Variants in ZNF589 observed in about 807,000 individuals in gnomAD.
ZNF589 encodes zinc finger protein 589.
A neutral mutation model predicts 13.6 loss-of-function variants in ZNF589; 17 were observed. The ratio of observed to expected loss-of-function variants is 1.25; its 90% CI spans 0.86 to 1.88. ZNF589 has a LOEUF of 1.88. ZNF589 is among the 40% of genes most tolerant of loss of function. The pLI is 0.00. For missense variants in ZNF589, 407 were observed against 434.0 expected (o/e 0.94, Z 0.55); for synonymous variants, 148 against 161.6 (o/e 0.92, Z 0.64).
In ZNF589 at chr3:48,269,428, A is replaced by G; in HGVS notation, c.*642A>G. On this transcript the variant is annotated 3_prime_UTR_variant, in exon 4 of 4. Transcript: ENST00000354698. Reference sequence around the variant, plus strand: ...TCCTCGCACACGAGCAGACACATTCAGGGGAGAAGCCTTATGTGTGTGGGG... The same window carrying G: ...TCCTCGCACACGAGCAGACACATTCGGGGGAGAAGCCTTATGTGTGTGGGG... 2.2e-6 allele frequency: 1 copy of G among 457,494 alleles called. No individual in the cohort carries two copies. Among genetic ancestry groups the G allele is most frequent in the South Asian group, 2.0e-5 (1 of 48,836 alleles). The allele number at this position is 457,494 out of a possible 1,614,324, so 28.3% of individuals were successfully genotyped here.
Position 48,269,400 on chromosome 3 carries a change from C to T in ZNF589, c.*614C>T. ...GGGCGAGGCTTTTGTGATAAATCAA[C>T]TCTCCTCGCACACGAGCAGACACAT... On this transcript the variant is annotated 3_prime_UTR_variant, in exon 4 of 4. Transcript: ENST00000354698. 1 of 550,120 alleles carries T rather than the reference C, an allele frequency of 1.8e-6. No homozygotes were observed. Among genetic ancestry groups the T allele is most frequent in the South Asian group, 1.9e-5 (1 of 51,550 alleles). 34.1% of individuals were successfully genotyped at this position (550,120 alleles called of 1,614,324 possible).
intron 2 of ZNF589, among the ~76,000 whole-genome samples, chr3:48,254,827 A>G (rs1046602468): frequency 2.0e-5 from 3 of 150,612 alleles, no homozygotes; most frequent in Non-Finnish European, 3.0e-5. Flanking sequence ...ATATCCTGCA[A>G]CCTTTCTATG....
intron 2 of ZNF589, among the ~76,000 whole-genome samples, chr3:48,248,981 A>G (rs1296025292): frequency 6.6e-6 from 1 of 152,218 alleles, no homozygotes; most frequent in Admixed American, 6.5e-5. Context: ...CTTCCAGGCC[A>G]TAGGGGCCAA....
At chr3:48,267,047 G>C (rs933875898) in intron 3 of ZNF589, among the ~76,000 whole-genome samples, 1 of 152,148 alleles carries the variant, frequency 6.6e-6, no homozygotes, top group African/African-American at 2.4e-5. Flanking sequence ...AATGTGCATA[G>C]GAAGCCTTCA....
intron 1 of ZNF589, among the ~76,000 whole-genome samples, chr3:48,246,691 C>T (rs1332590297): frequency 2.0e-5 from 3 of 151,838 alleles, no homozygotes; most frequent in Non-Finnish European, 4.4e-5. Flanking sequence ...TTTCTTGAGA[C>T]GGAGTCTCGC....
intron 2 of ZNF589, among the ~76,000 whole-genome samples, chr3:48,259,529 G>T (rs2033945408): frequency 6.6e-6 from 1 of 152,304 alleles, no homozygotes; most frequent in South Asian, 2.1e-4. Context: ...CCACTTGGAA[G>T]GTGGACAAGA....
chr3:48,253,072 T>TGTGA (rs2033857132), intron 2 of ZNF589, among the ~76,000 whole-genome samples: 1 of 150,600 alleles, frequency 6.6e-6, no homozygotes, highest in Non-Finnish European at 1.5e-5. Flanking sequence ...TCCCTCTGTT[T>TGTGA]CCCAGGCTGG....
chr3:48,252,564 G>C (rs916236038), intron 2 of ZNF589, among the ~76,000 whole-genome samples: 1 of 151,108 alleles, frequency 6.6e-6, no homozygotes, highest in Non-Finnish European at 1.5e-5. Context: ...TGTACAATGG[G>C]ATTTTGATTG....
chr3:48,247,597 T>A lies in ZNF589; in HGVS notation c.44-28T>A, dbSNP rs767432262. The A allele has an allele frequency of 2.5e-6, 4 of 1,611,272 alleles. 1 individual carries two copies. The South Asian group carries it at 4.4e-5, about 18-fold the overall frequency. ...CATGATGGGCCTGGTAGGGCTGGCT[T>A]CTCAAGGTTGCTTCTTTCTTTCCCC... On this transcript the variant is annotated intron_variant, in intron 1 of 3. Transcript: ENST00000354698.
chr3:48,245,324 T>C (rs969624984), intron 1 of ZNF589, among the ~76,000 whole-genome samples: 6 of 152,044 alleles, frequency 3.9e-5, no homozygotes, highest in Non-Finnish European at 4.4e-5. Flanking sequence ...ATTGCCCAGG[T>C]TGATCTTGAA....
intron 2 of ZNF589, among the ~76,000 whole-genome samples, chr3:48,255,487 CTTTTTTT>C (rs1230659894): frequency 6.3e-4 from 52 of 82,760 alleles, no homozygotes; most frequent in Admixed American, 2.5e-3. Context: ...AGAGTTTTTA[CTTTTTTT>C]TTTTTTTTTT....
In ZNF589 at chr3:48,269,843, C is replaced by T. The variant is rs2106853256; in HGVS notation, c.*1057C>T. On this transcript the variant is annotated 3_prime_UTR_variant, in exon 4 of 4. Coordinates refer to ENST00000354698, the MANE Select transcript of ZNF589 (RefSeq NM_016089.3). The stretch of plus-strand genomic sequence containing the variant: ...CTTGTCACGTGTCAGAGGACACACT[C>T]GGGAGAAACCTTCATGGAGTGAGAG... 1.9e-5 allele frequency: 7 copies of T among 362,846 alleles called. No homozygotes were observed. The highest frequency in any genetic ancestry group is 1.0e-4 in the South Asian group (5 of 47,730). The allele number at this position is 362,846 out of a possible 1,614,324, so 22.5% of individuals were successfully genotyped here. A position where few individuals can be genotyped will look rare whatever the true frequency, so the allele number is the denominator to read the frequency against.
rs1197957730 is a variant in ZNF589, at chr3:48,256,338, TTCTG to T, written c.97-4469_97-4466del. 5 of 517,248 alleles carry T rather than the reference TTCTG, an allele frequency of 9.7e-6. No homozygotes were observed. The African/African-American group carries it at 9.8e-5, about 10-fold the overall frequency. The allele number at this position is 517,248 out of a possible 1,614,324, so 32.0% of individuals were successfully genotyped here. A position where few individuals can be genotyped will look rare whatever the true frequency, so the allele number is the denominator to read the frequency against. On this transcript the variant is annotated intron_variant, in intron 2 of 3. Transcript: ENST00000354698. ...GGTGCAGGAGGAACTCTGGAAGCTC[TTCTG>T]TCTGTGAGTGATACAGCTTCCAAGG... is the stretch of plus-strand genomic sequence containing the variant.
At chr3:48,265,271 CTTTTTTTTTTTTTTTTTTT>C (rs35060812) in intron 3 of ZNF589, among the ~76,000 whole-genome samples, 1 of 47,884 alleles carries the variant, frequency 2.1e-5, no homozygotes, top group African/African-American at 7.8e-5. Flanking sequence ...TGTGCCCGGC[CTTTTTTTTTTTTTTTTTTT>C]TTTTTTTTTT....
chr3:48,244,845 A>G (rs1437829739), intron 1 of ZNF589, among the ~76,000 whole-genome samples: 1 of 127,954 alleles, frequency 7.8e-6, no homozygotes. Flanking sequence ...GGAGTTTTTT[A>G]CTCTTGTTGC....
At chr3:48,258,386 C>T (rs974462663) in intron 2 of ZNF589, among the ~76,000 whole-genome samples, 1 of 152,116 alleles carries the variant, frequency 6.6e-6, no homozygotes, top group South Asian at 2.1e-4. Context: ...TTTCAGTCCT[C>T]CTGGACTCAC....
intron 1 of ZNF589, among the ~76,000 whole-genome samples, chr3:48,241,700 T>C (rs2106827592): frequency 6.6e-6 from 1 of 152,122 alleles, no homozygotes; most frequent in Non-Finnish European, 1.5e-5. Flanking sequence ...CTGGCTAATT[T>C]TTGTATTTTT....
chr3:48,269,186 C>G lies in ZNF589; in HGVS notation c.*400C>G. The G allele has an allele frequency of 1.7e-5, 19 of 1,121,608 alleles. 1 individual carries two copies. The highest frequency in any genetic ancestry group is 2.2e-5 in the Non-Finnish European group (17 of 770,012). 69.5% of individuals were successfully genotyped at this position (1,121,608 alleles called of 1,614,324 possible). ...TCAGAGGATACACTCTGGGGAGAAG[C>G]CTTATGCATGCACGGAGTGTGGGCA... is the stretch of plus-strand genomic sequence containing the variant. On this transcript the variant is annotated 3_prime_UTR_variant, in exon 4 of 4. Coordinates refer to ENST00000354698, the MANE Select transcript of ZNF589 (RefSeq NM_016089.3).
At chr3:48,257,092 G>A in intron 2 of ZNF589, 1 of 470,448 alleles carries the variant, frequency 2.1e-6, no homozygotes, top group Non-Finnish European at 4.2e-6. Flanking sequence ...TTGTATCTCT[G>A]TGAGATATAT....
Sources: gnomAD v4.1 joint callset for allele counts (sites outside exome capture counted in the v4.1 genomes callset) on GRCh38, gnomAD v4.1.1 for gene constraint, MANE v1.5 for transcripts, NCBI Gene and HGNC (gene_info 2026-07-23, HGNC 2026-07-21) for gene names.